The following TJP3 variants were observed in gnomAD, a reference collection of about 807,000 sequenced individuals.
TJP3 encodes the protein tight junction protein ZO-3.
In TJP3, 85 loss-of-function variants were observed where a neutral mutation model predicts 104.2. That is an observed-to-expected ratio of 0.82 (90% CI 0.68 to 0.98). The LOEUF (loss-of-function observed/expected upper bound fraction) is 0.98, where lower values mean the gene tolerates loss of function less well. Among genes scored for constraint, TJP3 ranks in the 50% least tolerant of loss-of-function variants. The probability of loss-of-function intolerance (pLI) is 0.00; values close to 1 mark genes in which losing one functional copy is unlikely to be tolerated. For synonymous variants in TJP3, 550 were observed against 550.6 expected, an observed-to-expected ratio of 1.00 and a Z score of 0.02; for missense variants, 1,367 against 1,322.8, an observed-to-expected ratio of 1.03 and a Z score of -0.52.
Position 3,738,894 on chromosome 19 carries a change from C to A in TJP3, c.1394-3C>A, listed in dbSNP as rs1203854010. ...AGCTCATGTGGCCTCCCGCTCTCCC[C>A]AGTTTTCTGGAAAATGGTGCAGTCC... On this transcript the variant is annotated splice_polypyrimidine_tract_variant and splice_region_variant and intron_variant, in intron 12 of 20. Transcript: ENST00000541714. 10 of 1,582,006 alleles carry A rather than the reference C, an allele frequency of 6.3e-6. No homozygotes were observed. The East Asian group carries it at 2.3e-4, about 36-fold the overall frequency.
At chr19:3,709,700 C>T (rs1259791532) in intron 1 of TJP3, among the ~76,000 whole-genome samples, 2 of 152,116 alleles carry the variant, frequency 1.3e-5, no homozygotes, top group Non-Finnish European at 2.9e-5. Flanking sequence ...CTGCAGAGCT[C>T]CCAGGGAGCA....
intron 6 of TJP3, among the ~76,000 whole-genome samples, chr19:3,733,397 C>G (rs894816135): frequency 1.3e-5 from 2 of 152,204 alleles, no homozygotes; most frequent in Non-Finnish European, 2.9e-5. Flanking sequence ...TTTTAAGTAT[C>G]TGATACTCCC....
In TJP3 at chr19:3,746,364, A is replaced by C; in HGVS notation, c.2011-121A>C. The C allele has an allele frequency of 1.8e-6, 2 of 1,122,034 alleles. No homozygotes were observed. The highest frequency in any genetic ancestry group is 1.3e-6 in the Non-Finnish European group (1 of 784,842). The allele number at this position is 1,122,034 out of a possible 1,614,324, so 69.5% of individuals were successfully genotyped here. The stretch of plus-strand genomic sequence containing the variant: ...TTACCACCCCCATCCCCAACTTGCT[A>C]GCCTGTGGATGTGAGAGGCTGGGGT... On this transcript the variant is annotated intron_variant, in intron 16 of 20. Transcript: ENST00000541714. The surrounding 1 kb of genome is among the most constrained non-coding windows in gnomAD (Gnocchi z 4.1).
intron 11 of TJP3, among the ~76,000 whole-genome samples, chr19:3,736,898 G>A (rs1454934999): frequency 2.4e-5 from 2 of 84,954 alleles, no homozygotes; most frequent in African/African-American, 9.2e-5. Flanking sequence ...TTTTTTTTTT[G>A]AGATAGAGTC....
Position 3,728,698 on chromosome 19 carries a change from C to T in TJP3, c.143C>T (p.Ala48Val), listed in dbSNP as rs1466188073. Residue 48 changes from alanine (A) to valine (V), a missense_variant, in exon 3 of 21, where the codon GCG becomes GTG. Transcript: ENST00000541714. Reference sequence around the variant, plus strand: ...TCTGACGTGGTACCTGGAGGGCCGGCGGAGGGCAGGCTACAGTGAGTATCC... The same window carrying T: ...TCTGACGTGGTACCTGGAGGGCCGGTGGAGGGCAGGCTACAGTGAGTATCC... Reference protein sequence around the residue: ...VVSDVVPGGPAEGRLQTGDHI... With the variant: ...VVSDVVPGGPVEGRLQTGDHI... 11 of 1,613,392 alleles carry T rather than the reference C, an allele frequency of 6.8e-6. No homozygotes were observed. The highest frequency in any genetic ancestry group is 3.3e-5 in the Admixed American group (2 of 59,966).
At chr19:3,750,491 CCA>C in intron 20 of TJP3, 89 bp from the exon 21 acceptor site, 1 of 1,115,610 alleles carries the variant, frequency 9.0e-7, no homozygotes, top group South Asian at 1.4e-5. Flanking sequence ...CTGCCCACAC[CCA>C]CTGTGCCTAG....
intron 1 of TJP3, among the ~76,000 whole-genome samples, chr19:3,716,771 C>T (rs1340139491): frequency 7.4e-6 from 1 of 135,728 alleles, no homozygotes; most frequent in East Asian, 2.1e-4. Flanking sequence ...CTACCACACC[C>T]AGCTCATACA....
intron 18 of TJP3, among the ~76,000 whole-genome samples, chr19:3,747,134 T>C (rs1241980178): frequency 1.3e-5 from 2 of 151,922 alleles, no homozygotes; most frequent in African/African-American, 4.8e-5. Context: ...GATCTCAGCT[T>C]GCTGCAACCT....
At chr19:3,729,674 A>G (rs554959580) in intron 3 of TJP3, among the ~76,000 whole-genome samples, 1 of 151,184 alleles carries the variant, frequency 6.6e-6, no homozygotes, top group Admixed American at 6.6e-5. Flanking sequence ...CCCAGCTACT[A>G]GGGAGGCTGA....
Position 3,746,107 on chromosome 19 carries a change from CATTTCATGG to C in TJP3, c.2010+29_2010+37del, listed in dbSNP as rs1459032204. 6.3e-7 allele frequency: 1 copy of C among 1,588,334 alleles called. No individual in the cohort carries two copies. Among genetic ancestry groups the C allele is most frequent in the Non-Finnish European group, 8.6e-7 (1 of 1,165,474 alleles). ...GTAAGCCGGGTCCTGCTACGGGTCC[CATTTCATGG>C]ATGGGGGAAACCGAGGCCTGGGCAT... is the stretch of plus-strand genomic sequence containing the variant. On this transcript the variant is annotated intron_variant, in intron 16 of 20. Coordinates refer to ENST00000541714, the MANE Select transcript of TJP3 (RefSeq NM_001267560.2). This position sits in a 1 kb window ranked among gnomAD's most constrained non-coding sequence, Gnocchi z 4.1.
At chr19:3,736,931 G>C (rs1487054467) in intron 11 of TJP3, among the ~76,000 whole-genome samples, 2 of 148,360 alleles carry the variant, frequency 1.3e-5, no homozygotes, top group Non-Finnish European at 3.0e-5. Context: ...CCAGGCTGGA[G>C]TGCGGGGGTG....
At chr19:3,732,948 A>G (rs1276600685) in intron 6 of TJP3, among the ~76,000 whole-genome samples, 3 of 151,782 alleles carry the variant, frequency 2.0e-5, no homozygotes, top group Non-Finnish European at 4.4e-5. Flanking sequence ...CCCGGCCGAC[A>G]TTAAGTTCTT....
rs535333630 is a variant in TJP3 at position 3,750,776 on chromosome 19, T to C, written c.*92T>C. 3 of 1,149,184 alleles carry C rather than the reference T, an allele frequency of 2.6e-6. No individual in the cohort carries two copies. The highest frequency in any genetic ancestry group is 3.8e-6 in the Non-Finnish European group (3 of 789,292). The allele number at this position is 1,149,184 out of a possible 1,614,324, so 71.2% of individuals were successfully genotyped here. ...TACAGAACCCACAACCTTACCTCCC[T>C]CCGCCTGGTCTTTAATAAACAGAGT... On this transcript the variant is annotated 3_prime_UTR_variant, in exon 21 of 21. Coordinates refer to ENST00000541714, the MANE Select transcript of TJP3 (RefSeq NM_001267560.2).
rs2036645825 is a variant in TJP3 at position 3,729,864 on chromosome 19, G to A, written c.159-164G>A. Among the ~76,000 whole-genome samples, 4 of 151,896 alleles carry A rather than the reference G, an allele frequency of 2.6e-5. No homozygotes were observed. In the South Asian group the frequency reaches 8.3e-4, roughly 32 times the overall value. ...GCTCCATTTTACAGGTGAGAAAACGGAGGCCCAGAAGGATAAATGTCTTTG... is the reference window on the plus strand; with the variant it reads ...GCTCCATTTTACAGGTGAGAAAACGAAGGCCCAGAAGGATAAATGTCTTTG... On this transcript the variant is annotated intron_variant, in intron 3 of 20. Coordinates refer to ENST00000541714, the MANE Select transcript of TJP3 (RefSeq NM_001267560.2).
rs2036730053 is a variant in TJP3, at chr19:3,735,749, G to A, written c.1060+110G>A. 1.6e-5 allele frequency: 26 copies of A among 1,583,190 alleles called. No individual in the cohort carries two copies. The South Asian group carries it at 2.7e-4, about 16-fold the overall frequency. On this transcript the variant is annotated intron_variant, in intron 9 of 20. Transcript: ENST00000541714. The stretch of plus-strand genomic sequence containing the variant: ...GGCCTGAGCCTAAGTGGTGAGACAT[G>A]GTTTCCTGAGAAGGACTCGAGGTGG...
At position 3,748,030 on chromosome 19, in the gene TJP3, G is replaced by A. The variant is rs759236333; in HGVS notation, c.2559G>A (p.Glu853=). The change falls in exon 19 of 21, where the codon GAG becomes GAA. Residue 853 remains glutamate (E), a synonymous_variant. Transcript: ENST00000541714. The part of the protein sequence containing the change: ...ARSSEPVQAD[E]SQSPRDRGRI... ...CCTCGGAGCCCGTGCAGGCAGATGAGTCCCAGAGCCCGAGGGATCGTGGGA... is the reference window on the plus strand; with the variant it reads ...CCTCGGAGCCCGTGCAGGCAGATGAATCCCAGAGCCCGAGGGATCGTGGGA... The A allele has an allele frequency of 1.9e-6, 3 of 1,601,664 alleles. No homozygotes were observed. The East Asian group carries it at 6.8e-5, about 36-fold the overall frequency.
Position 3,730,806 on chromosome 19 carries a change from T to C in TJP3, c.613+100T>C, listed in dbSNP as rs1306973633. 1 of 1,317,184 alleles carries C rather than the reference T, an allele frequency of 7.6e-7. No homozygotes were observed. Among genetic ancestry groups the C allele is most frequent in the Non-Finnish European group, 1.0e-6 (1 of 982,464 alleles). 81.6% of individuals were successfully genotyped at this position (1,317,184 alleles called of 1,614,324 possible). ...AGTGATTCTCCTGCCTCAGCCTCCC[T>C]GGTGGCTGGGACTCCAGGCGCCCGC... is the stretch of plus-strand genomic sequence containing the variant. On this transcript the variant is annotated intron_variant, in intron 5 of 20. Transcript: ENST00000541714. The surrounding 1 kb of genome is among the most constrained non-coding windows in gnomAD (Gnocchi z 7.3).
intron 20 of TJP3, 101 bp downstream of exon 20, chr19:3,750,285 C>G: frequency 6.6e-7 from 1 of 1,513,344 alleles, no homozygotes; most frequent in Non-Finnish European, 9.1e-7. Context: ...CATGGTGCCC[C>G]TAGCCTAGTG....
intron 1 of TJP3, chr19:3,721,723 A>G: frequency 2.8e-6 from 1 of 362,726 alleles, no homozygotes. Context: ...TGGAGGAGGA[A>G]GAGGGGCAGG....
Sources: allele counts gnomAD v4.1 joint callset (sites outside exome capture counted in the v4.1 genomes callset), GRCh38; gene constraint gnomAD v4.1.1; non-coding constraint Gnocchi (gnomAD v3.1); transcripts MANE v1.5; gene names NCBI Gene and HGNC (gene_info 2026-07-23, HGNC 2026-07-21).